Variants in DSCAM observed in about 807,000 individuals in gnomAD.
DSCAM encodes the protein cell adhesion molecule DSCAM.
A neutral mutation model predicts 217.7 loss-of-function variants in DSCAM; 47 were observed. The ratio of observed to expected loss-of-function variants is 0.22; its 90% confidence interval spans 0.17 to 0.28. The LOEUF is 0.28. Among genes scored for constraint, DSCAM ranks in the 10% least tolerant of loss-of-function variants. The probability of loss-of-function intolerance (pLI) is 1.00; values close to 1 mark genes in which losing one functional copy is unlikely to be tolerated. For synonymous variants in DSCAM, 1,056 were observed against 1,015.3 expected, an observed-to-expected ratio of 1.04 and a Z score of -0.76; for missense variants, 2,080 against 2,618.3, an observed-to-expected ratio of 0.79 and a Z score of 4.49.
chr21:40,575,380 TG>T lies in DSCAM; in HGVS notation c.508+117429del, dbSNP rs1486537677. ...CTTTATTGCTCACACAAAGCCTGTT[TG>T]GTGATCTCTTCACACGGACGCGAAT... On this transcript the variant is annotated intron_variant, in intron 3 of 32. Transcript: ENST00000400454. 2.6e-5 allele frequency among the ~76,000 whole-genome samples: 4 copies of T among 152,142 alleles called. No individual in the cohort carries two copies. The East Asian group carries it at 7.7e-4, about 29-fold the overall frequency.
chr21:40,268,651 G>T (rs1039316425), intron 11 of DSCAM, among the ~76,000 whole-genome samples: 1 of 152,044 alleles, frequency 6.6e-6, no homozygotes, highest in South Asian at 2.1e-4. Flanking sequence ...ATTTTTACTG[G>T]CCCCAGTAAT....
chr21:40,497,743 T>C (rs754405804), intron 3 of DSCAM, among the ~76,000 whole-genome samples: 16 of 152,238 alleles, frequency 1.1e-4, no homozygotes, highest in Admixed American at 3.3e-4. Context: ...TATACATTTA[T>C]TTGTCAATAT....
At chr21:40,310,780 T>C (rs1004983644) in intron 9 of DSCAM, among the ~76,000 whole-genome samples, 4 of 152,168 alleles carry the variant, frequency 2.6e-5, no homozygotes, top group African/African-American at 9.7e-5. Flanking sequence ...GGGAAACAGA[T>C]ACTAGGTTGG....
intron 3 of DSCAM, among the ~76,000 whole-genome samples, chr21:40,681,488 GCT>G (rs1491403593): frequency 7.2e-4 from 29 of 40,322 alleles, no homozygotes; most frequent in African/African-American, 1.8e-3. Flanking sequence ...CCTTAAAAAT[GCT>G]TTTTTTTTTT....
Position 40,334,878 on chromosome 21 carries a change from C to T in DSCAM, c.1783+3223G>A, listed in dbSNP as rs1387001931. On this transcript the variant is annotated intron_variant, in intron 8 of 32. Transcript: ENST00000400454. Reference sequence around the variant, plus strand: ...TTCTGTTTAAAGTCATCCAATAAAGCCCCCATCTCACTCAGCAGAAAACCC... The same window carrying T: ...TTCTGTTTAAAGTCATCCAATAAAGTCCCCATCTCACTCAGCAGAAAACCC... 2.6e-5 allele frequency among the ~76,000 whole-genome samples: 4 copies of T among 151,896 alleles called. No individual in the cohort carries two copies. In the East Asian group the frequency reaches 5.8e-4, roughly 22 times the overall value.
chr21:40,097,006 C>G lies in DSCAM; in HGVS notation c.3697-3132G>C, dbSNP rs1470944807. On this transcript the variant is annotated intron_variant, in intron 20 of 32. Coordinates refer to ENST00000400454, the MANE Select transcript of DSCAM (RefSeq NM_001389.5). ...CATAAGAAGCTGAAAGAATTAATCA[C>G]CAGTAGACCCACATTACAAGAAATG... Among the ~76,000 whole-genome samples, 6 of 152,040 alleles carry G rather than the reference C, an allele frequency of 3.9e-5. No homozygotes were observed. In the South Asian group the frequency reaches 1.2e-3, roughly 32 times the overall value.
chr21:40,712,572 T>A (rs910312597), intron 1 of DSCAM, among the ~76,000 whole-genome samples: 2 of 151,320 alleles, frequency 1.3e-5, no homozygotes, highest in African/African-American at 4.8e-5. Context: ...CTCATAGCCC[T>A]AAGCCTAATG....
chr21:40,632,797 G>A (rs1219490160), intron 3 of DSCAM, among the ~76,000 whole-genome samples: 1 of 152,266 alleles, frequency 6.6e-6, no homozygotes, highest in Middle Eastern at 3.4e-3. Context: ...TGCATCCACA[G>A]GAAGCCCAGC....
intron 30 of DSCAM, among the ~76,000 whole-genome samples, chr21:40,048,889 C>CA (rs1486563075): frequency 1.3e-5 from 2 of 152,020 alleles, no homozygotes; most frequent in African/African-American, 2.4e-5. Flanking sequence ...ACTGTGGGGC[C>CA]AGTCACCTAC....
intron 32 of DSCAM, among the ~76,000 whole-genome samples, chr21:40,039,113 C>T (rs1312630171): frequency 6.6e-6 from 1 of 151,806 alleles, no homozygotes; most frequent in Non-Finnish European, 1.5e-5. Context: ...CACATGTATA[C>T]ATATGTAACT....
At chr21:40,290,912 C>T (rs1204707032) in intron 10 of DSCAM, among the ~76,000 whole-genome samples, 1 of 152,208 alleles carries the variant, frequency 6.6e-6, no homozygotes, top group Non-Finnish European at 1.5e-5. Context: ...GGCTGCAGAA[C>T]AGAACATAGA....
chr21:40,581,317 G>A (rs1031978820), intron 3 of DSCAM, among the ~76,000 whole-genome samples: 1 of 152,164 alleles, frequency 6.6e-6, no homozygotes, highest in African/African-American at 2.4e-5. Context: ...ATGGCACTTT[G>A]TGTCAATCTC....
At chr21:40,615,237 A>C (rs1168619891) in intron 3 of DSCAM, 2 of 145,248 alleles carry the variant, frequency 1.4e-5, no homozygotes, top group Admixed American at 1.4e-4. Flanking sequence ...AGCCAAGATC[A>C]TGCCATTGCA....
chr21:40,043,932 A>G (rs2088800033), intron 31 of DSCAM, 146 bp downstream of exon 31: 3 of 808,496 alleles, frequency 3.7e-6, no homozygotes, highest in Non-Finnish European at 5.8e-6. Context: ...TGTTAGATAA[A>G]CCGCGTAACA....
intron 18 of DSCAM, among the ~76,000 whole-genome samples, chr21:40,142,311 T>A (rs2090301604): frequency 6.6e-6 from 1 of 152,124 alleles, no homozygotes; most frequent in Non-Finnish European, 1.5e-5. Context: ...GGAAAATACA[T>A]CCATGTTGAA....
chr21:40,704,556 T>A (rs1390267998), intron 2 of DSCAM, among the ~76,000 whole-genome samples: 2 of 150,180 alleles, frequency 1.3e-5, no homozygotes, highest in Non-Finnish European at 3.0e-5. Flanking sequence ...TCTACAAAAT[T>A]TTTTTTTTTA....
intron 3 of DSCAM, among the ~76,000 whole-genome samples, chr21:40,605,439 G>GA (rs914536914): frequency 1.3e-5 from 2 of 152,182 alleles, no homozygotes; most frequent in African/African-American, 4.8e-5. Context: ...TGCCCTCGCT[G>GA]AAAATCAAAG....
intron 11 of DSCAM, among the ~76,000 whole-genome samples, chr21:40,266,889 C>G (rs1289041923): frequency 6.7e-6 from 1 of 148,370 alleles, no homozygotes; most frequent in Non-Finnish European, 1.5e-5. Flanking sequence ...TTAGATGGAA[C>G]TAGAGGCCAT....
intron 3 of DSCAM, among the ~76,000 whole-genome samples, chr21:40,440,091 G>A (rs1378667383): frequency 2.0e-5 from 3 of 152,160 alleles, no homozygotes; most frequent in African/African-American, 7.2e-5. Context: ...ATGAGTTGTA[G>A]GAACATGTAT....
Sources: allele counts gnomAD v4.1 joint callset (sites outside exome capture counted in the v4.1 genomes callset), GRCh38; gene constraint gnomAD v4.1.1; transcripts MANE v1.5; gene names NCBI Gene and HGNC (gene_info 2026-07-23, HGNC 2026-07-21).